CRHR2: variants seen among roughly 807,000 people sequenced by gnomAD.
The protein encoded by CRHR2 is corticotropin releasing hormone receptor 2.
CRHR2 carries 53 observed loss-of-function variants against 57.9 expected under a neutral mutation model. The observed-to-expected ratio is 0.92, with a 90% confidence interval of 0.73 to 1.15. The LOEUF is 1.15. Among genes scored for constraint, CRHR2 ranks in the 50% most tolerant of loss-of-function variants. CRHR2 has a pLI of 0.00. For missense variants in CRHR2, 532 were observed against 542.6 expected (o/e 0.98, Z 0.19); for synonymous variants, 213 against 220.9 (o/e 0.96, Z 0.32).
At chr7:30,660,671 G>T (rs866891125) in intron 7 of CRHR2, 26 bp from the exon 8 acceptor site, 3 of 1,553,274 alleles carry the variant, frequency 1.9e-6, no homozygotes, top group Non-Finnish European at 1.7e-6. Flanking sequence ...GGCTGTAGGG[G>T]GCCTCCTGAG....
Position 30,655,295 on chromosome 7 carries a change from C to T in CRHR2, c.1054-215G>A, listed in dbSNP as rs576169702. On this transcript the variant is annotated intron_variant, in intron 10 of 11. Coordinates refer to ENST00000471646, the MANE Select transcript of CRHR2 (RefSeq NM_001883.5). The stretch of plus-strand genomic sequence containing the variant: ...CACAGGCCTGGAGCCAGGCAGACTC[C>T]GGTCTCCTCAATATTGTGTGACCTG... Among the ~76,000 whole-genome samples the T allele has an allele frequency of 1.4e-4, 22 of 152,262 alleles. No homozygotes were observed. In the South Asian group the frequency reaches 3.7e-3, roughly 26 times the overall value.
At chr7:30,686,644 T>C (rs2128150046), upstream of CRHR2, 1 of 847,040 alleles carries the variant, frequency 1.2e-6, no homozygotes. Flanking sequence ...AATAAATAAA[T>C]AGTCCATTTG....
rs370277693 is a variant in CRHR2 at position 30,656,030 on chromosome 7, A to G, written c.832-18T>C. The G allele has an allele frequency of 7.1e-7, 1 of 1,408,770 alleles. No homozygotes were observed. The highest frequency in any genetic ancestry group is 1.0e-6 in the Non-Finnish European group (1 of 999,152). The allele number at this position is 1,408,770 out of a possible 1,614,324, so 87.3% of individuals were successfully genotyped here. A position where few individuals can be genotyped will look rare whatever the true frequency, so the allele number is the denominator to read the frequency against. On this transcript the variant is annotated intron_variant, in intron 8 of 11. Coordinates refer to ENST00000471646, the MANE Select transcript of CRHR2 (RefSeq NM_001883.5). The surrounding 1 kb of genome is among the most constrained non-coding windows in gnomAD (Gnocchi z 4.4). ...AAATTGATCTGGAGGGAGGGCGGGC[A>G]TGGGAAAGAGGGAAAAGGAAGGAGC... is the stretch of plus-strand genomic sequence containing the variant.
intron 2 of CRHR2, among the ~76,000 whole-genome samples, chr7:30,672,180 GCCCAGCTCCAGC>G (rs1784383738): frequency 6.6e-6 from 1 of 152,178 alleles, no homozygotes; most frequent in African/African-American, 2.4e-5. Context: ...CCTTTTCAAG[GCCCAGCTCCAGC>G]CCCAGCTCCT....
upstream of CRHR2, among the ~76,000 whole-genome samples, chr7:30,683,444 T>C (rs543039321): frequency 1.3e-5 from 2 of 152,164 alleles, no homozygotes; most frequent in East Asian, 3.9e-4. Context: ...TGGCCCAGAA[T>C]GCCTCCTTGG....
At chr7:30,699,589 C>T (rs1247894793) in intron 1 of CRHR2, 1 of 171,948 alleles carries the variant, frequency 5.8e-6, no homozygotes, top group Non-Finnish European at 1.2e-5. Flanking sequence ...ATCTTGGACC[C>T]TGAGGTAGTC....
At chr7:30,688,574 C>T (rs1784899356) in intron 2 of CRHR2, among the ~76,000 whole-genome samples, 1 of 152,144 alleles carries the variant, frequency 6.6e-6, no homozygotes, top group Non-Finnish European at 1.5e-5. Flanking sequence ...ACCCTTGTCT[C>T]CTTGTGCCCT....
At chr7:30,696,222 C>G (rs564176330) in intron 1 of CRHR2, among the ~76,000 whole-genome samples, 28 of 152,150 alleles carry the variant, frequency 1.8e-4, no homozygotes, top group Admixed American at 1.6e-3. Context: ...CATAGTACAA[C>G]AGGGTGACTG....
At chr7:30,691,446 C>T (rs1041445556) in intron 1 of CRHR2, among the ~76,000 whole-genome samples, 14 of 152,156 alleles carry the variant, frequency 9.2e-5, no homozygotes, top group East Asian at 1.9e-4. Context: ...TTGACTTTAC[C>T]GGGGTTTCTG....
intron 10 of CRHR2, 47 bp downstream of exon 10, chr7:30,655,533 C>T: frequency 1.3e-5 from 20 of 1,581,492 alleles, no homozygotes; most frequent in Non-Finnish European, 1.7e-5. Context: ...GCCAGAGCAG[C>T]CTCAGGAAAG....
chr7:30,654,412 G>A (rs1221929754), intron 11 of CRHR2, among the ~76,000 whole-genome samples: 3 of 152,180 alleles, frequency 2.0e-5, no homozygotes, highest in Admixed American at 2.0e-4. Flanking sequence ...CCAGTGCCCT[G>A]TGCAGAGACA....
chr7:30,681,618 G>A (rs1192692062), intron 2 of CRHR2, among the ~76,000 whole-genome samples: 4 of 152,218 alleles, frequency 2.6e-5, no homozygotes, highest in African/African-American at 9.6e-5. Flanking sequence ...CCTACAATGA[G>A]GGAAGGAGGT....
chr7:30,661,750 C>A (rs1275466555), intron 7 of CRHR2, among the ~76,000 whole-genome samples: 1 of 151,484 alleles, frequency 6.6e-6, no homozygotes, highest in African/African-American at 2.4e-5. Context: ...ACTGAGACTT[C>A]AGAAAAAAAA....
upstream of CRHR2, among the ~76,000 whole-genome samples, chr7:30,683,920 G>A (rs1032945526): frequency 3.9e-5 from 6 of 152,210 alleles, no homozygotes; most frequent in Admixed American, 1.3e-4. Context: ...GCAGCAGGCA[G>A]GCTGCTTTTG....
intron 2 of CRHR2, among the ~76,000 whole-genome samples, chr7:30,678,599 C>T (rs188026842): frequency 6.6e-6 from 1 of 152,108 alleles, no homozygotes; most frequent in African/African-American, 2.4e-5. Flanking sequence ...ATTTGCTAAC[C>T]CCACATCCTG....
In CRHR2 at chr7:30,660,582, G is replaced by C. The variant is rs146443369; in HGVS notation, c.822C>G (p.Leu274=). The C allele has an allele frequency of 1.9e-6, 3 of 1,564,980 alleles. No homozygotes were observed. Among genetic ancestry groups the C allele is most frequent in the African/African-American group, 2.7e-5 (2 of 73,968 alleles). Residue 274 remains leucine (L), a synonymous_variant, in exon 8 of 12, where the codon CTC becomes CTG. Transcript: ENST00000471646. ...ACCGCTGAGGGCTTACCAGGAGCAC[G>C]AGAATGATGGGGCCTTGGTAGATGT... ...VDYIYQGPII[L]VLLINFVFLF... is the part of the protein sequence containing the mutation.
upstream of CRHR2, chr7:30,682,536 G>A: frequency 8.0e-7 from 1 of 1,249,208 alleles, no homozygotes; most frequent in Non-Finnish European, 1.0e-6. Flanking sequence ...GGCTGCGCCG[G>A]GGGGCGGGGC....
intron 2 of CRHR2, among the ~76,000 whole-genome samples, chr7:30,674,574 TCA>T (rs1475415686): frequency 6.6e-6 from 1 of 152,216 alleles, no homozygotes; most frequent in Non-Finnish European, 1.5e-5. Context: ...GATCTGGCTC[TCA>T]GTTCCTAGTT....
chr7:30,682,615 T>C (rs1214050847), upstream of CRHR2: 37 of 720,896 alleles, frequency 5.1e-5, no homozygotes, highest in Non-Finnish European at 6.6e-5. Context: ...AAGTACGGCT[T>C]CTCAGTTCGC....
Sources: allele counts gnomAD v4.1 joint callset (sites outside exome capture counted in the v4.1 genomes callset), GRCh38; gene constraint gnomAD v4.1.1; non-coding constraint Gnocchi (gnomAD v3.1); transcripts MANE v1.5; gene names NCBI Gene and HGNC (gene_info 2026-07-23, HGNC 2026-07-21).